FRMD4B: variants seen among roughly 807,000 people sequenced by gnomAD.
The protein encoded by FRMD4B is FERM domain-containing protein 4B.
In FRMD4B, 74 loss-of-function variants were observed where a neutral mutation model predicts 141.5. The ratio of observed to expected loss-of-function variants is 0.52; its 90% CI spans 0.43 to 0.63. The LOEUF is 0.63. Among genes scored for constraint, FRMD4B ranks in the 30% least tolerant of loss-of-function variants. The pLI, the probability that FRMD4B is intolerant of heterozygous loss-of-function variation, is 0.00. For synonymous variants in FRMD4B, 506 were observed against 467.9 expected (o/e 1.08, Z -1.05); for missense variants, 1,366 against 1,253.4 (o/e 1.09, Z -1.36).
intron 1 of FRMD4B, among the ~76,000 whole-genome samples, chr3:69,525,700 G>A (rs1700921297): frequency 6.6e-6 from 1 of 151,932 alleles, no homozygotes; most frequent in South Asian, 2.1e-4. Flanking sequence ...CACCCAGTCT[G>A]GAGTGCAGTG....
intron 1 of FRMD4B, among the ~76,000 whole-genome samples, chr3:69,486,768 G>A (rs1706222603): frequency 6.6e-6 from 1 of 152,212 alleles, no homozygotes; most frequent in African/African-American, 2.4e-5. Flanking sequence ...GGTTAGAAGA[G>A]AAAACCCATA....
At chr3:69,453,363 C>A (rs1170076766) in intron 1 of FRMD4B, among the ~76,000 whole-genome samples, 3 of 152,180 alleles carry the variant, frequency 2.0e-5, no homozygotes, top group African/African-American at 7.2e-5. Flanking sequence ...TCTGATGGCA[C>A]CTTCAGACTC....
At chr3:69,241,795 G>T (rs1189900044) in intron 7 of FRMD4B, among the ~76,000 whole-genome samples, 1 of 152,116 alleles carries the variant, frequency 6.6e-6, no homozygotes, top group African/African-American at 2.4e-5. Context: ...CTTGAACCCA[G>T]GAGGCGGAGT....
At chr3:69,232,894 A>C (rs1417333387) in intron 7 of FRMD4B, among the ~76,000 whole-genome samples, 1 of 144,848 alleles carries the variant, frequency 6.9e-6, no homozygotes, top group Non-Finnish European at 1.5e-5. Flanking sequence ...CCAAAGTTGC[A>C]AATTTCACTT....
chr3:69,385,006 T>A (rs1704214233), intron 1 of FRMD4B, among the ~76,000 whole-genome samples: 1 of 151,754 alleles, frequency 6.6e-6, no homozygotes, highest in South Asian at 2.1e-4. Context: ...TGCAGATTTT[T>A]AAAAATCTCA....
intron 19 of FRMD4B, among the ~76,000 whole-genome samples, chr3:69,183,721 A>G (rs1206056284): frequency 6.6e-6 from 1 of 151,924 alleles, no homozygotes; most frequent in East Asian, 1.9e-4. Context: ...TGACCTTGTG[A>G]TCCGCCCACC....
chr3:69,360,419 A>G (rs931620425), intron 1 of FRMD4B, among the ~76,000 whole-genome samples: 1 of 152,224 alleles, frequency 6.6e-6, no homozygotes, highest in African/African-American at 2.4e-5. Context: ...CCTTAATATC[A>G]TCAGATCTCT....
At chr3:69,348,159 C>T (rs1329300814) in intron 1 of FRMD4B, among the ~76,000 whole-genome samples, 6 of 152,114 alleles carry the variant, frequency 3.9e-5, no homozygotes, top group Admixed American at 6.6e-5. Context: ...ATATCACCAT[C>T]GATCCCACAG....
chr3:69,169,417 G>C lies in FRMD4B; in HGVS notation c.*2444C>G, dbSNP rs1212391359. 6.7e-6 allele frequency among the ~76,000 whole-genome samples: 1 copy of C among 149,042 alleles called. No individual in the cohort carries two copies. The highest frequency in any genetic ancestry group is 2.5e-5 in the African/African-American group (1 of 40,120). On this transcript the variant is annotated 3_prime_UTR_variant, in exon 23 of 23. Transcript: ENST00000398540. ...TTATTGCCTAGGCTGGAATGCAGTG[G>C]CACGATCCTGGCTCACTGCAACCTC... is the stretch of plus-strand genomic sequence containing the variant.
intron 7 of FRMD4B, among the ~76,000 whole-genome samples, chr3:69,238,233 C>T (rs2106681702): frequency 6.6e-6 from 1 of 152,326 alleles, no homozygotes; most frequent in South Asian, 2.1e-4. Flanking sequence ...GCAGCCAGTA[C>T]ATACCTAGGA....
chr3:69,388,686 G>T (rs1704320135), upstream of FRMD4B, among the ~76,000 whole-genome samples: 3 of 152,136 alleles, frequency 2.0e-5, no homozygotes. Context: ...ACTACAAAAA[G>T]TTTGGGGAAA....
At chr3:69,456,602 C>T (rs1012417821) in intron 1 of FRMD4B, among the ~76,000 whole-genome samples, 2 of 152,114 alleles carry the variant, frequency 1.3e-5, no homozygotes, top group African/African-American at 4.8e-5. Flanking sequence ...GCAGTAAACT[C>T]CAGGAAAGCA....
At chr3:69,190,916 C>T (rs558697870) in intron 17 of FRMD4B, among the ~76,000 whole-genome samples, 1 of 152,310 alleles carries the variant, frequency 6.6e-6, no homozygotes, top group African/African-American at 2.4e-5. Flanking sequence ...TATCACCTGG[C>T]TCAATCCCAC....
chr3:69,522,364 C>CAAA (rs59394211), intron 1 of FRMD4B, among the ~76,000 whole-genome samples: 6,107 of 151,998 alleles, frequency 0.04, 336 homozygotes, highest in East Asian at 0.12. Flanking sequence ...CAGATGAGGG[C>CAAA]AAAAAGTCAG....
chr3:69,212,253 G>A (rs11712331), intron 11 of FRMD4B, among the ~76,000 whole-genome samples: 16 of 150,788 alleles, frequency 1.1e-4, no homozygotes, highest in Middle Eastern at 3.4e-3. Context: ...CCAGCTTCTC[G>A]GGAGGCTGAG....
In FRMD4B at chr3:69,478,793, T is replaced by A. The variant is rs557224808; in HGVS notation, c.-128-46032A>T. Among the ~76,000 whole-genome samples, 70 of 152,210 alleles carry A rather than the reference T, an allele frequency of 4.6e-4. No homozygotes were observed. The South Asian group carries it at 0.014, about 31-fold the overall frequency. The stretch of plus-strand genomic sequence containing the variant: ...TTCTGTCTCGTTGATCTGTCTAAAG[T>A]TGACAGTGGGGTGTTAAAGTCTCCC... On this transcript the variant is annotated intron_variant, in intron 1 of 5. Coordinates refer to the FRMD4B transcript ENST00000459638.
chr3:69,206,298 T>C (rs1383302115), intron 11 of FRMD4B, among the ~76,000 whole-genome samples: 3 of 152,058 alleles, frequency 2.0e-5, no homozygotes, highest in African/African-American at 7.2e-5. Context: ...TGCAGTGAGC[T>C]GAGATCGTGC....
At chr3:69,497,364 G>A (rs1015786779) in intron 1 of FRMD4B, among the ~76,000 whole-genome samples, 1 of 152,166 alleles carries the variant, frequency 6.6e-6, no homozygotes, top group Non-Finnish European at 1.5e-5. Context: ...TCATAACTGA[G>A]TATAAATCTA....
intron 14 of FRMD4B, among the ~76,000 whole-genome samples, chr3:69,195,596 G>T (rs1309166836): frequency 6.6e-6 from 1 of 151,982 alleles, no homozygotes; most frequent in Non-Finnish European, 1.5e-5. Flanking sequence ...TCATTTTGGG[G>T]GTAATGATAA....
Sources: allele counts gnomAD v4.1 joint callset (sites outside exome capture counted in the v4.1 genomes callset), GRCh38; gene constraint gnomAD v4.1.1; transcripts MANE v1.5; gene names NCBI Gene and HGNC (gene_info 2026-07-23, HGNC 2026-07-21).